Variants in BACE2 observed in about 807,000 individuals in gnomAD.
The protein encoded by BACE2 is beta-secretase 2.
A neutral mutation model predicts 46.2 loss-of-function variants in BACE2; 17 were observed. The observed-to-expected ratio is 0.37, with a 90% CI of 0.25 to 0.55. The LOEUF (loss-of-function observed/expected upper bound fraction) is 0.55, where lower values mean the gene tolerates loss of function less well. Ranked by LOEUF, BACE2 falls within the 20% of genes least tolerant of loss-of-function variation. BACE2 has a pLI of 0.82. For missense variants in BACE2, 595 were observed against 698.1 expected, an observed-to-expected ratio of 0.85 and a Z score of 1.66; for synonymous variants, 277 against 295.9, an observed-to-expected ratio of 0.94 and a Z score of 0.66.
chr21:41,266,871 G>T (rs1019789069), intron 8 of BACE2, among the ~76,000 whole-genome samples: 2 of 152,150 alleles, frequency 1.3e-5, no homozygotes, highest in African/African-American at 2.4e-5. Flanking sequence ...GTTGCAGCAG[G>T]AAGAGGTTCT....
At chr21:41,205,727 T>C (rs1986102575) in intron 1 of BACE2, among the ~76,000 whole-genome samples, 1 of 152,182 alleles carries the variant, frequency 6.6e-6, no homozygotes, top group Non-Finnish European at 1.5e-5. Flanking sequence ...TTGTCTGTAG[T>C]TGCTTGTACT....
At chr21:41,274,361 C>A (rs1194234455) in intron 8 of BACE2, among the ~76,000 whole-genome samples, 1 of 151,852 alleles carries the variant, frequency 6.6e-6, no homozygotes, top group Non-Finnish European at 1.5e-5. Context: ...TTTTTCTTTC[C>A]TCAGTCAAAA....
At chr21:41,268,403 C>T (rs997328349) in intron 8 of BACE2, among the ~76,000 whole-genome samples, 6 of 152,186 alleles carry the variant, frequency 3.9e-5, no homozygotes, top group East Asian at 1.9e-4. Context: ...GAATTAGTAG[C>T]GTAAGTAATA....
At chr21:41,247,525 T>C (rs1049218635) in intron 6 of BACE2, among the ~76,000 whole-genome samples, 9 of 152,228 alleles carry the variant, frequency 5.9e-5, no homozygotes, top group Non-Finnish European at 1.3e-4. Flanking sequence ...TCAGCAGAAT[T>C]AACGGGAGTA....
intron 3 of BACE2, among the ~76,000 whole-genome samples, chr21:41,238,859 C>T (rs1265208681): frequency 1.4e-5 from 2 of 141,484 alleles, no homozygotes; most frequent in East Asian, 4.3e-4. Context: ...TGCTAGATGA[C>T]GAGTTAGTGG....
At chr21:41,262,686 T>C (rs1418297485) in intron 8 of BACE2, among the ~76,000 whole-genome samples, 1 of 152,190 alleles carries the variant, frequency 6.6e-6, no homozygotes, top group Non-Finnish European at 1.5e-5. Context: ...TTCTTTTATG[T>C]CCTACTCCAG....
intron 3 of BACE2, 168 bp from the exon 4 acceptor site, chr21:41,241,651 G>C: frequency 3.0e-6 from 2 of 674,186 alleles, no homozygotes; most frequent in South Asian, 2.0e-5. Flanking sequence ...AAGCTCTGCT[G>C]GGGCTTTCTG....
intron 8 of BACE2, among the ~76,000 whole-genome samples, chr21:41,267,606 A>T (rs770877811): frequency 6.6e-6 from 1 of 152,214 alleles, no homozygotes; most frequent in Non-Finnish European, 1.5e-5. Context: ...CTCATGTTTA[A>T]AAATAGCAGA....
chr21:41,266,300 G>T (rs537152512), intron 8 of BACE2, among the ~76,000 whole-genome samples: 2 of 152,276 alleles, frequency 1.3e-5, no homozygotes, highest in East Asian at 3.9e-4. Flanking sequence ...CATCACCGAT[G>T]GGGAGTTCAT....
intron 7 of BACE2, among the ~76,000 whole-genome samples, chr21:41,254,006 G>A (rs1000467807): frequency 6.6e-6 from 1 of 152,054 alleles, no homozygotes; most frequent in African/African-American, 2.4e-5. Context: ...CAGCAGAAAG[G>A]CTCTGCCCAG....
At chr21:41,177,068 CG>C (rs1011332510) in intron 1 of BACE2, 4 of 152,126 alleles carry the variant, frequency 2.6e-5, no homozygotes, top group African/African-American at 9.7e-5. Flanking sequence ...ATTTGTTTGG[CG>C]GCCTTTTCCC....
At chr21:41,221,056 A>C (rs375546164) in intron 1 of BACE2, among the ~76,000 whole-genome samples, 10 of 151,866 alleles carry the variant, frequency 6.6e-5, no homozygotes, top group Admixed American at 3.3e-4. Flanking sequence ...AAAAAAAAAA[A>C]AAAAAACAGT....
chr21:41,233,675 C>T (rs1444226644), intron 2 of BACE2, among the ~76,000 whole-genome samples: 1 of 152,206 alleles, frequency 6.6e-6, no homozygotes, highest in African/African-American at 2.4e-5. Flanking sequence ...AATTACTCTA[C>T]CAGGGCTGGG....
chr21:41,275,688 A>T lies in BACE2; in HGVS notation c.*64A>T. 1 of 1,579,364 alleles carries T rather than the reference A, an allele frequency of 6.3e-7. No individual in the cohort carries two copies. Among genetic ancestry groups the T allele is most frequent in the Non-Finnish European group, 8.6e-7 (1 of 1,162,284 alleles). ...ATTAAGAAAATCACATTTCCAGGGC[A>T]GCAGCCGGGATCGATGGTGGCGCTT... is the stretch of plus-strand genomic sequence containing the variant. On this transcript the variant is annotated 3_prime_UTR_variant, in exon 9 of 9. Coordinates refer to ENST00000330333, the MANE Select transcript of BACE2 (RefSeq NM_012105.5).
intron 8 of BACE2, among the ~76,000 whole-genome samples, chr21:41,269,228 A>G (rs1449561056): frequency 6.6e-6 from 1 of 152,200 alleles, no homozygotes; most frequent in East Asian, 1.9e-4. Context: ...TGCTGGGATT[A>G]CAGGCATGAG....
chr21:41,239,859 C>G (rs184645661), intron 3 of BACE2, among the ~76,000 whole-genome samples: 1 of 152,296 alleles, frequency 6.6e-6, no homozygotes, highest in African/African-American at 2.4e-5. Context: ...TTTCAAAATG[C>G]TTTATCTGTA....
intron 2 of BACE2, among the ~76,000 whole-genome samples, chr21:41,232,820 C>T (rs558902705): frequency 9.9e-5 from 15 of 152,118 alleles, no homozygotes; most frequent in Non-Finnish European, 1.9e-4. Context: ...AATTATTCAC[C>T]CTTGGGTATT....
intron 8 of BACE2, 28 bp from the exon 9 acceptor site, chr21:41,275,343 T>A (rs754264788): frequency 1.2e-6 from 2 of 1,613,530 alleles, no homozygotes; most frequent in African/African-American, 1.3e-5. Flanking sequence ...ATTTCACAGC[T>A]GTGGATTTTC....
chr21:41,266,540 G>A (rs1271519633), intron 8 of BACE2, among the ~76,000 whole-genome samples: 1 of 152,268 alleles, frequency 6.6e-6, no homozygotes, highest in Admixed American at 6.5e-5. Flanking sequence ...TGCGAATTTA[G>A]ATGCCAGCCA....
Sources: gnomAD v4.1 joint callset for allele counts (sites outside exome capture counted in the v4.1 genomes callset) on GRCh38, gnomAD v4.1.1 for gene constraint, MANE v1.5 for transcripts, NCBI Gene and HGNC (gene_info 2026-07-23, HGNC 2026-07-21) for gene names.